Variants in KLF12 observed in about 807,000 individuals in gnomAD.
The protein encoded by KLF12 is KLF transcription factor 12.
KLF12 carries 9 observed loss-of-function variants against 37.8 expected under a neutral mutation model. The ratio of observed to expected loss-of-function variants is 0.24; its 90% confidence interval spans 0.14 to 0.42. The LOEUF is 0.42. Ranked by LOEUF, KLF12 falls within the 10% of genes least tolerant of loss-of-function variation. KLF12 has a pLI of 1.00. For synonymous variants in KLF12, 208 were observed against 202.1 expected (o/e 1.03, Z -0.25); for missense variants, 411 against 516.0 (o/e 0.80, Z 1.97).
chr13:74,149,262 A>G, the KLF12 span, among the ~76,000 whole-genome samples: 1 of 152,244 alleles, frequency 6.6e-6, no homozygotes, highest in Middle Eastern at 3.4e-3. Flanking sequence ...TCTACTGCCT[A>G]TTCTATAGCT....
In KLF12 at chr13:73,846,186, G is replaced by A. The variant is rs781729948; in HGVS notation, c.311C>T (p.Thr104Ile). 1.9e-6 allele frequency: 3 copies of A among 1,614,152 alleles called. No individual in the cohort carries two copies. The highest frequency in any genetic ancestry group is 2.2e-5 in the South Asian group (2 of 91,080). Reference sequence around the variant, plus strand: ...TGAAGAAGGTGAGGAGGCAGATGCTGTCATGGAAACTGGGGAGGATGAAAC... The same window carrying A: ...TGAAGAAGGTGAGGAGGCAGATGCTATCATGGAAACTGGGGAGGATGAAAC... The change falls in exon 4 of 8, where the codon ACA becomes ATA. Residue 104 changes from threonine to isoleucine, a missense_variant. By Grantham distance (89) the Thr-to-Ile change is moderately conservative (BLOSUM62 -1). This residue lies in a region of KLF12 where 351 missense variants were observed against 397.8 expected (regional missense o/e 0.88). Transcript: ENST00000377669.
upstream of KLF12, among the ~76,000 whole-genome samples, chr13:74,134,932 T>G (rs868333161): frequency 1.3e-5 from 2 of 151,646 alleles, no homozygotes; most frequent in Non-Finnish European, 1.5e-5. Context: ...TGGAAAGGTG[T>G]GGGCGGAGCC....
chr13:74,003,677 A>C (rs1892338114), intron 1 of KLF12, among the ~76,000 whole-genome samples: 1 of 152,186 alleles, frequency 6.6e-6, no homozygotes, highest in Non-Finnish European at 1.5e-5. Flanking sequence ...GCCAAAGATC[A>C]AATATTGCAC....
intron 1 of KLF12, among the ~76,000 whole-genome samples, chr13:74,114,069 T>C (rs2138942174): frequency 6.6e-6 from 1 of 152,266 alleles, no homozygotes; most frequent in East Asian, 1.9e-4. Context: ...ATTGCTGCAA[T>C]CTCACAATAA....
At chr13:74,280,828 T>A in the KLF12 span, among the ~76,000 whole-genome samples, 1 of 142,220 alleles carries the variant, frequency 7.0e-6, no homozygotes, top group Non-Finnish European at 1.5e-5. Context: ...CTTTTTTCTT[T>A]TTTTTTTTTT....
At chr13:74,243,975 G>T in the KLF12 span, among the ~76,000 whole-genome samples, 4 of 152,146 alleles carry the variant, frequency 2.6e-5, no homozygotes, top group African/African-American at 7.2e-5. Context: ...ATATGTTGGG[G>T]TTAGAAAAAC....
chr13:73,990,829 T>C (rs1325620765), intron 2 of KLF12, among the ~76,000 whole-genome samples: 1 of 152,192 alleles, frequency 6.6e-6, no homozygotes, highest in African/African-American at 2.4e-5. Flanking sequence ...AAATATTCTT[T>C]GTAAGAGATG....
intron 3 of KLF12, among the ~76,000 whole-genome samples, chr13:73,929,150 A>G (rs1215975589): frequency 6.6e-6 from 1 of 152,228 alleles, no homozygotes; most frequent in Non-Finnish European, 1.5e-5. Context: ...TTGTAAGTAG[A>G]TTCAATAAAA....
chr13:73,968,674 C>A (rs1291665328), intron 2 of KLF12, among the ~76,000 whole-genome samples: 2 of 152,134 alleles, frequency 1.3e-5, no homozygotes, highest in Non-Finnish European at 2.9e-5. Context: ...ACATAAGACA[C>A]AGTAGAAATG....
chr13:74,210,379 A>T, the KLF12 span, among the ~76,000 whole-genome samples: 1 of 152,162 alleles, frequency 6.6e-6, no homozygotes, highest in Non-Finnish European at 1.5e-5. Context: ...GCTCAGTAAA[A>T]TTATGCTTTT....
chr13:73,986,058 C>T (rs1367558118), intron 2 of KLF12, among the ~76,000 whole-genome samples: 2 of 152,084 alleles, frequency 1.3e-5, no homozygotes, highest in Admixed American at 1.3e-4. Context: ...GAGCTTTTAA[C>T]GAGATAACCA....
chr13:73,915,358 C>A (rs1472030761), intron 3 of KLF12, among the ~76,000 whole-genome samples: 2 of 152,158 alleles, frequency 1.3e-5, no homozygotes. Context: ...ACATGGATAT[C>A]TTTAGAGGTC....
chr13:74,172,114 T>C, the KLF12 span, among the ~76,000 whole-genome samples: 1 of 151,016 alleles, frequency 6.6e-6, no homozygotes, highest in Non-Finnish European at 1.5e-5. Flanking sequence ...ACAATGTAGA[T>C]GGATCAATCC....
chr13:74,241,319 G>A, the KLF12 span, among the ~76,000 whole-genome samples: 21 of 152,146 alleles, frequency 1.4e-4, no homozygotes, highest in East Asian at 5.8e-4. Flanking sequence ...CTCCAGCTGC[G>A]TACTGGGAGA....
In KLF12 at chr13:73,735,953, T is replaced by TTC. The variant is rs200199501; in HGVS notation, c.870-20429_870-20428insGA. 8.4e-3 allele frequency among the ~76,000 whole-genome samples: 1,120 copies of TTC among 133,114 alleles called. 19 individuals carry two copies. The highest frequency in any genetic ancestry group is 0.027 in the African/African-American group (970 of 35,884). The allele number at this position is 133,114 out of a possible 152,430, so 87.3% of individuals were successfully genotyped here. On this transcript the variant is annotated intron_variant, in intron 6 of 7. Transcript: ENST00000377669. ...GTATGCACTGATTTTCTTTCTTTCT[T>TTC]TTTCTTTTTTTTTTTACCTGCTTCA...
intron 1 of KLF12, among the ~76,000 whole-genome samples, chr13:74,133,619 G>C (rs967294003): frequency 1.3e-5 from 2 of 149,134 alleles, no homozygotes; most frequent in Non-Finnish European, 3.0e-5. Flanking sequence ...TTTAACTTGA[G>C]CAGATGACAG....
At chr13:73,810,908 A>C (rs1882891317) in intron 5 of KLF12, among the ~76,000 whole-genome samples, 1 of 145,134 alleles carries the variant, frequency 6.9e-6, no homozygotes, top group African/African-American at 2.5e-5. Context: ...TCAAGTTAAC[A>C]TTTGCTTTGG....
At chr13:74,052,513 G>A (rs929069771) in intron 1 of KLF12, among the ~76,000 whole-genome samples, 1 of 152,052 alleles carries the variant, frequency 6.6e-6, no homozygotes, top group African/African-American at 2.4e-5. Context: ...TATTAAAGCT[G>A]AGAATCAAGT....
chr13:74,099,469 G>A (rs977294664), intron 1 of KLF12, among the ~76,000 whole-genome samples: 25 of 152,098 alleles, frequency 1.6e-4, no homozygotes, highest in African/African-American at 5.6e-4. Context: ...CTCCAACCAC[G>A]AGAAGAACAC....
Sources: gnomAD v4.1 joint callset for allele counts (sites outside exome capture counted in the v4.1 genomes callset) on GRCh38, gnomAD v4.1.1 for gene constraint, gnomAD v4.1.1 regional missense constraint, MANE v1.5 for transcripts, NCBI Gene and HGNC (gene_info 2026-07-23, HGNC 2026-07-21) for gene names.